Variants in SV2B observed in about 807,000 individuals in gnomAD.
SV2B encodes the protein solute carrier family 22 member B2.
Under a neutral mutation model 73.9 loss-of-function variants are expected in SV2B, and 41 were observed. The ratio of observed to expected loss-of-function variants is 0.56; its 90% CI spans 0.43 to 0.72. The LOEUF (loss-of-function observed/expected upper bound fraction) is 0.72, where lower values mean the gene tolerates loss of function less well. Ranked by LOEUF, SV2B falls within the 30% of genes least tolerant of loss-of-function variation. The pLI, the probability that SV2B is intolerant of heterozygous loss-of-function variation, is 0.00. For synonymous variants in SV2B, 314 were observed against 314.2 expected, an observed-to-expected ratio of 1.00 and a Z score of 0.01; for missense variants, 764 against 857.8, an observed-to-expected ratio of 0.89 and a Z score of 1.37.
intron 5 of SV2B, among the ~76,000 whole-genome samples, chr15:91,260,003 C>G (rs989297812): frequency 6.6e-6 from 1 of 152,102 alleles, no homozygotes; most frequent in Admixed American, 6.5e-5. Flanking sequence ...TCATCAGTGA[C>G]GAACGTGCTT....
At chr15:91,158,633 C>CCTTTTCCCTTCCCTTCCCTTCTCTT (rs767357230) in intron 1 of SV2B, among the ~76,000 whole-genome samples, 2 of 54,412 alleles carry the variant, frequency 3.7e-5, no homozygotes, top group Admixed American at 1.9e-4. Context: ...TTTTATTTTC[C>CCTTTTCCCTTCCCTTCCCTTCTCTT]CTCTTCTCTT....
At position 91,100,383 on chromosome 15, in the gene SV2B, G is replaced by C. The variant is rs1222314184; in HGVS notation, c.-392+20G>C. 1 of 152,280 alleles carries C rather than the reference G, an allele frequency of 6.6e-6. No homozygotes were observed. Among genetic ancestry groups the C allele is most frequent in the Non-Finnish European group, 1.5e-5 (1 of 68,072 alleles). 9.4% of individuals were successfully genotyped at this position (152,280 alleles called of 1,614,324 possible). Reference sequence around the variant, plus strand: ...ACCCAGGTAGGGGACTGCGTTGCTCGCTGCGGTGCAACCGACCCAGCCGGG... The same window carrying C: ...ACCCAGGTAGGGGACTGCGTTGCTCCCTGCGGTGCAACCGACCCAGCCGGG... On this transcript the variant is annotated intron_variant, in intron 1 of 12. Coordinates refer to ENST00000394232, the MANE Select transcript of SV2B (RefSeq NM_001323032.3). The surrounding 1 kb of genome is among the most constrained non-coding windows in gnomAD (Gnocchi z 6.4).
At chr15:91,112,497 T>TG in intron 1 of SV2B, among the ~76,000 whole-genome samples, 1 of 152,324 alleles carries the variant, frequency 6.6e-6, no homozygotes, top group East Asian at 1.9e-4. Context: ...CCAGAGAGCA[T>TG]GGAAAGCATT....
chr15:91,215,316 A>T (rs778144404), intron 1 of SV2B, among the ~76,000 whole-genome samples: 8 of 152,156 alleles, frequency 5.3e-5, no homozygotes, highest in Non-Finnish European at 1.0e-4. Context: ...GAGCACAAAA[A>T]TTACCCTGGG....
In SV2B at chr15:91,141,078, T is replaced by C. The variant is rs771023620; in HGVS notation, c.-392+40715T>C. 2.6e-5 allele frequency among the ~76,000 whole-genome samples: 4 copies of C among 152,222 alleles called. No homozygotes were observed. Among genetic ancestry groups the C allele is most frequent in the Non-Finnish European group, 5.9e-5 (4 of 68,028 alleles). On this transcript the variant is annotated intron_variant, in intron 1 of 12. Transcript: ENST00000394232. The surrounding 1 kb of genome is among the most constrained non-coding windows in gnomAD (Gnocchi z 4.6). ...AGCTAAGAGTGGCATAGGATCACACTGTTTCTTAAACCCCACTTCTGGAAC... is the reference window on the plus strand; with the variant it reads ...AGCTAAGAGTGGCATAGGATCACACCGTTTCTTAAACCCCACTTCTGGAAC...
Position 91,292,488 on chromosome 15 carries a change from C to T in SV2B, c.1988C>T (p.Ser663Phe). 6.2e-7 allele frequency: 1 copy of T among 1,614,198 alleles called. No individual in the cohort carries two copies. The highest frequency in any genetic ancestry group is 8.5e-7 in the Non-Finnish European group (1 of 1,180,034). ...KVVPILLAAA[S>F]LVGGGLIALR... ...GTCCCCATCCTTCTGGCTGCTGCTT[C>T]TCTGGTTGGGGGTGGCCTGATTGCC... The change falls in exon 13 of 13, where the codon TCT (serine) becomes TTT (phenylalanine). Residue 663 changes from serine (S) to phenylalanine (F), a missense_variant. Physicochemically the swap from Ser to Phe is radical, Grantham distance 155. Coordinates refer to ENST00000394232, the MANE Select transcript of SV2B (RefSeq NM_001323032.3).
chr15:91,228,155 T>C (rs148392909), intron 2 of SV2B, among the ~76,000 whole-genome samples: 147 of 152,340 alleles, frequency 9.6e-4, no homozygotes, highest in African/African-American at 3.5e-3. Context: ...AAAATGGTTT[T>C]ACACGTTTGT....
chr15:91,196,422 G>C (rs551310587), intron 1 of SV2B, among the ~76,000 whole-genome samples: 1 of 152,242 alleles, frequency 6.6e-6, no homozygotes, highest in Admixed American at 6.5e-5. Context: ...CCAAGGCCTT[G>C]GAGAGGAAGT....
intron 1 of SV2B, among the ~76,000 whole-genome samples, chr15:91,173,598 A>T (rs1453459401): frequency 6.6e-6 from 1 of 152,056 alleles, no homozygotes; most frequent in Non-Finnish European, 1.5e-5. Context: ...TTTGCCTTCA[A>T]CCCATGCAAA....
intron 2 of SV2B, among the ~76,000 whole-genome samples, chr15:91,250,249 A>T (rs777509182): frequency 1.2e-4 from 19 of 152,242 alleles, no homozygotes; most frequent in Non-Finnish European, 2.5e-4. Flanking sequence ...CATTAACATA[A>T]TAATGGATAA....
intron 1 of SV2B, among the ~76,000 whole-genome samples, chr15:91,200,638 C>T (rs1326494687): frequency 6.6e-6 from 1 of 152,116 alleles, no homozygotes; most frequent in East Asian, 1.9e-4. Flanking sequence ...CGGCTTGGCA[C>T]GGTGGCTCAC....
chr15:91,114,087 G>C (rs1477014678), intron 1 of SV2B, among the ~76,000 whole-genome samples: 1 of 150,926 alleles, frequency 6.6e-6, no homozygotes, highest in Non-Finnish European at 1.5e-5. Flanking sequence ...GGGAGGCTGA[G>C]GCAGGAGAAT....
chr15:91,148,738 A>C (rs1303459718), intron 1 of SV2B, among the ~76,000 whole-genome samples: 1 of 152,236 alleles, frequency 6.6e-6, no homozygotes, highest in Non-Finnish European at 1.5e-5. Context: ...CTGGAGACCC[A>C]GGAGAGCTGA....
chr15:91,112,340 G>A (rs1290139803), intron 1 of SV2B, among the ~76,000 whole-genome samples: 1 of 152,190 alleles, frequency 6.6e-6, no homozygotes, highest in African/African-American at 2.4e-5. Context: ...CCGCTGTCCT[G>A]TGCTTCAGCC....
chr15:91,242,572 C>T lies in SV2B; in HGVS notation c.452-9247C>T, dbSNP rs147633843. 1.0e-3 allele frequency among the ~76,000 whole-genome samples: 152 copies of T among 152,076 alleles called. 1 individual carries two copies. The highest frequency in any genetic ancestry group is 3.0e-3 in the African/African-American group (124 of 41,476). On this transcript the variant is annotated intron_variant, in intron 2 of 12. Transcript: ENST00000394232. The surrounding 1 kb of genome is among the most constrained non-coding windows in gnomAD (Gnocchi z 4.9). ...GAAATATGAGAAGGAGCCAGCCATG[C>T]GAAGATCTGAACAAAGAACATTCTA...
In SV2B at chr15:91,197,022, C is replaced by T. The variant is rs2045269551; in HGVS notation, c.-391-28851C>T. On this transcript the variant is annotated intron_variant, in intron 1 of 12. Transcript: ENST00000394232. The surrounding 1 kb of genome is among the most constrained non-coding windows in gnomAD (Gnocchi z 4.9). ...CACTTCCAGGGCCACGGGGATTTTG[C>T]TCCTCTGTTGCTCCGCCTGCCGGCT... Among the ~76,000 whole-genome samples, 1 of 152,196 alleles carries T rather than the reference C, an allele frequency of 6.6e-6. No individual in the cohort carries two copies. The highest frequency in any genetic ancestry group is 1.5e-5 in the Non-Finnish European group (1 of 68,038).
At chr15:91,169,706 G>T (rs2044050461) in intron 1 of SV2B, among the ~76,000 whole-genome samples, 1 of 152,170 alleles carries the variant, frequency 6.6e-6, no homozygotes, top group Non-Finnish European at 1.5e-5. Context: ...AATAATTTCA[G>T]GTGGTGATAA....
chr15:91,101,991 T>C (rs1306569202), intron 1 of SV2B: 1 of 152,240 alleles, frequency 6.6e-6, no homozygotes, highest in Non-Finnish European at 1.5e-5. Context: ...GATGAACTTC[T>C]GTCTGCTTCT....
intron 1 of SV2B, among the ~76,000 whole-genome samples, chr15:91,126,970 C>T (rs1457042569): frequency 6.6e-6 from 1 of 152,256 alleles, no homozygotes; most frequent in South Asian, 2.1e-4. Context: ...ACTCTCACCA[C>T]TTCAACATTA....
Sources: gnomAD v4.1 joint callset for allele counts (sites outside exome capture counted in the v4.1 genomes callset) on GRCh38, gnomAD v4.1.1 for gene constraint, Gnocchi (gnomAD v3.1) non-coding constraint, MANE v1.5 for transcripts, NCBI Gene and HGNC (gene_info 2026-07-23, HGNC 2026-07-21) for gene names.